GOLGA8B: variants seen among roughly 807,000 people sequenced by gnomAD.
The protein encoded by GOLGA8B is golgin subfamily A member 8B.
Under a neutral mutation model 15.6 loss-of-function variants are expected in GOLGA8B, and 1 was observed. The ratio of observed to expected loss-of-function variants is 0.06; its 90% CI spans 0.02 to 0.30. The LOEUF is 0.30. GOLGA8B is among the 10% of genes least tolerant of loss of function. The pLI is 1.00. For missense variants in GOLGA8B, 17 were observed against 201.3 expected (o/e 0.08, Z 5.54); for synonymous variants, 9 against 80.3 (o/e 0.11, Z 4.75).
chr15:34,569,351 TCCTCTC>T (rs1405696514), intron 1 of GOLGA8B, among the ~76,000 whole-genome samples: 2 of 151,510 alleles, frequency 1.3e-5, no homozygotes, highest in African/African-American at 4.9e-5. Context: ...AGGCTCCCTC[TCCTCTC>T]CCTCTCCCCT....
intron 1 of GOLGA8B, among the ~76,000 whole-genome samples, chr15:34,554,258 T>G (rs75216724): frequency 6.6e-6 from 1 of 152,386 alleles, no homozygotes; most frequent in East Asian, 1.9e-4. Flanking sequence ...CTGGCCACTC[T>G]CACCCTGAGC....
intron 1 of GOLGA8B, among the ~76,000 whole-genome samples, chr15:34,571,756 C>A (rs1260136196): frequency 1.3e-5 from 2 of 152,070 alleles, no homozygotes; most frequent in African/African-American, 2.4e-5. Flanking sequence ...CATTAGGGTA[C>A]AGAAACCCAT....
chr15:34,567,833 G>A (rs1443837032), intron 1 of GOLGA8B, among the ~76,000 whole-genome samples: 1 of 151,722 alleles, frequency 6.6e-6, no homozygotes, highest in Non-Finnish European at 1.5e-5. Flanking sequence ...TTGAGGCACT[G>A]GACTTCTCAT....
intron 1 of GOLGA8B, among the ~76,000 whole-genome samples, chr15:34,573,536 C>CAAA (rs60984933): frequency 2.5e-4 from 22 of 86,814 alleles, no homozygotes; most frequent in East Asian, 4.6e-4. Context: ...GACTCCGTCT[C>CAAA]AAAAAAAAAA....
At chr15:34,577,807 T>C (rs1889123079) in intron 1 of GOLGA8B, among the ~76,000 whole-genome samples, 1 of 152,186 alleles carries the variant, frequency 6.6e-6, no homozygotes, top group Non-Finnish European at 1.5e-5. Flanking sequence ...TGCCCCTGTC[T>C]AGGGCACTTT....
At chr15:34,566,537 G>A (rs1227089644) in intron 1 of GOLGA8B, 1 of 140,446 alleles carries the variant, frequency 7.1e-6, no homozygotes, top group Non-Finnish European at 1.6e-5. Flanking sequence ...GGCTTCATCA[G>A]GGAGTGACAG....
At chr15:34,573,482 AGCCGAGATTGT>A (rs1449134295) in intron 1 of GOLGA8B, among the ~76,000 whole-genome samples, 1 of 145,536 alleles carries the variant, frequency 6.9e-6, no homozygotes, top group East Asian at 2.1e-4. Flanking sequence ...GCTTACAGTA[AGCCGAGATTGT>A]GCCACTGCAC....
intron 1 of GOLGA8B, among the ~76,000 whole-genome samples, chr15:34,565,251 T>G (rs1415919137): frequency 7.1e-6 from 1 of 140,860 alleles, no homozygotes; most frequent in East Asian, 2.0e-4. Context: ...TTCTGTGGCC[T>G]CAGCCTCCCT....
chr15:34,573,729 G>A (rs1220895080), intron 1 of GOLGA8B, among the ~76,000 whole-genome samples: 1 of 152,014 alleles, frequency 6.6e-6, no homozygotes, highest in Non-Finnish European at 1.5e-5. Flanking sequence ...CAGCTCAACA[G>A]AGCAAATCCA....
At chr15:34,579,608 T>C (rs549964287) in intron 1 of GOLGA8B, among the ~76,000 whole-genome samples, 3 of 152,226 alleles carry the variant, frequency 2.0e-5, no homozygotes, top group Middle Eastern at 3.2e-3. Context: ...TATGTGAAAC[T>C]GACGTTGCAC....
intron 1 of GOLGA8B, among the ~76,000 whole-genome samples, chr15:34,577,252 C>T (rs62004905): frequency 1.8e-4 from 27 of 151,832 alleles, no homozygotes; most frequent in African/African-American, 6.3e-4. Context: ...CACACACTTG[C>T]TTCCAGAGAG....
intron 1 of GOLGA8B, among the ~76,000 whole-genome samples, chr15:34,572,765 C>T (rs2655322): frequency 0.041 from 5,736 of 139,754 alleles, 1 homozygote; most frequent in South Asian, 0.13. Flanking sequence ...ATTAGTACAT[C>T]TGAATTTCAT....
intron 1 of GOLGA8B, among the ~76,000 whole-genome samples, chr15:34,563,735 G>T (rs1414442437): frequency 6.6e-6 from 1 of 151,100 alleles, no homozygotes; most frequent in East Asian, 1.9e-4. Flanking sequence ...AAAGCATAAA[G>T]AGCTACTTTG....
At chr15:34,583,131 G>C (rs1474253338) in intron 1 of GOLGA8B, among the ~76,000 whole-genome samples, 1 of 152,108 alleles carries the variant, frequency 6.6e-6, no homozygotes, top group African/African-American at 2.4e-5. Context: ...AAGCGGGGCA[G>C]CGGAACGCAC....
rs1475462541 is a variant in GOLGA8B, at chr15:34,565,157, C to T, written c.-1122-11201G>A. ...TCTCTTTTTTTTTTTTTTTTTGAGA[C>T]GGAGTCTCACTCTTGTCGCCCAGGC... is the stretch of plus-strand genomic sequence containing the variant. On this transcript the variant is annotated intron_variant, in intron 1 of 23. Coordinates refer to ENST00000683415, the MANE Select transcript of GOLGA8B (RefSeq NM_001023567.5). Among the ~76,000 whole-genome samples the T allele has an allele frequency of 1.2e-4, 15 of 125,510 alleles. 1 individual carries two copies. Among genetic ancestry groups the T allele is most frequent in the Non-Finnish European group, 2.3e-4 (13 of 56,574 alleles). 82.3% of individuals were successfully genotyped at this position (125,510 alleles called of 152,430 possible).
At chr15:34,567,323 A>G (rs34441324) in intron 1 of GOLGA8B, among the ~76,000 whole-genome samples, 11,466 of 146,226 alleles carry the variant, frequency 0.078, no homozygotes, top group South Asian at 0.2. Flanking sequence ...CCCTCCATAC[A>G]AAACCACATG....
chr15:34,573,260 C>T (rs568390557), intron 1 of GOLGA8B, among the ~76,000 whole-genome samples: 46 of 152,126 alleles, frequency 3.0e-4, no homozygotes, highest in Non-Finnish European at 4.1e-4. Flanking sequence ...GAAGTTAGGC[C>T]GGGCATGGTG....
At chr15:34,579,811 CT>C (rs1321333928) in intron 1 of GOLGA8B, among the ~76,000 whole-genome samples, 4 of 152,236 alleles carry the variant, frequency 2.6e-5, no homozygotes, top group African/African-American at 9.6e-5. Context: ...AACAACAGCA[CT>C]AAGGCTCTGC....
intron 1 of GOLGA8B, among the ~76,000 whole-genome samples, chr15:34,578,875 C>T (rs78273964): frequency 2.0e-5 from 3 of 152,112 alleles, no homozygotes; most frequent in Admixed American, 6.5e-5. Context: ...AACAGATGCA[C>T]CACCTTACAT....
Sources: allele counts gnomAD v4.1 joint callset (sites outside exome capture counted in the v4.1 genomes callset), GRCh38; gene constraint gnomAD v4.1.1; transcripts MANE v1.5; gene names NCBI Gene and HGNC (gene_info 2026-07-23, HGNC 2026-07-21).